Variants in GUSB observed in about 807,000 individuals in gnomAD.
GUSB encodes glucuronidase beta, also known as beta-glucuronidase.
A neutral mutation model predicts 74.6 loss-of-function variants in GUSB; 51 were observed. That is an observed-to-expected ratio of 0.68 (90% confidence interval 0.55 to 0.86). GUSB has a LOEUF of 0.86. Ranked by LOEUF, GUSB falls within the 40% of genes least tolerant of loss-of-function variation. The pLI is 0.00. For synonymous variants in GUSB, 360 were observed against 348.3 expected, an observed-to-expected ratio of 1.03 and a Z score of -0.37; for missense variants, 736 against 853.7, an observed-to-expected ratio of 0.86 and a Z score of 1.72.
chr7:65,969,719 A>C (rs1456253907), intron 9 of GUSB, among the ~76,000 whole-genome samples: 1 of 152,088 alleles, frequency 6.6e-6, no homozygotes, highest in Non-Finnish European at 1.5e-5. Context: ...AGAAAAACTC[A>C]AGTTCCAACC....
At chr7:65,964,027 T>A in intron 11 of GUSB, 1 of 432,810 alleles carries the variant, frequency 2.3e-6, no homozygotes, top group Middle Eastern at 7.3e-4. Flanking sequence ...CCGTTTTTCG[T>A]TCCTCCTTGG....
Position 65,979,879 on chromosome 7 carries a change from C to A in GUSB, c.429G>T (p.Glu143Asp), listed in dbSNP as rs375740757. The A allele has an allele frequency of 1.2e-5, 19 of 1,611,290 alleles. 1 individual carries two copies. In the South Asian group the frequency reaches 1.6e-4, roughly 14 times the overall value. The change falls in exon 3 of 12, where the codon GAG (glutamate) becomes GAT (aspartate). Residue 143 changes from glutamate (E) to aspartate (D), a missense_variant. Around this residue, in one of 2 missense-constraint regions of GUSB, gnomAD observed 368 missense variants for 363.8 expected, o/e 1.01. Coordinates refer to ENST00000304895, the MANE Select transcript of GUSB (RefSeq NM_000181.4). ...WVNGVDTLEH[E>D]GGYLPFEADI... ...CGGCCTCGAAGGGGAGGTAGCCCCC[C>A]TCATGCTCTAGCGTGTCGACCCCAT... is the stretch of plus-strand genomic sequence containing the variant.
intron 11 of GUSB, among the ~76,000 whole-genome samples, chr7:65,963,739 T>G (rs1429161593): frequency 6.6e-6 from 1 of 152,058 alleles, no homozygotes; most frequent in Admixed American, 6.6e-5. Flanking sequence ...AGAGATGGGG[T>G]CTTGCTATGC....
chr7:65,961,129 T>C (rs1790467340), intron 11 of GUSB, 66 bp from the exon 12 acceptor site: 1 of 1,454,192 alleles, frequency 6.9e-7, no homozygotes, highest in African/African-American at 1.4e-5. Flanking sequence ...TTAGAACCAG[T>C]CTGGAGCTAA....
chr7:65,963,485 T>C (rs1583887093), intron 11 of GUSB, among the ~76,000 whole-genome samples: 1 of 152,188 alleles, frequency 6.6e-6, no homozygotes, highest in South Asian at 2.1e-4. Context: ...GACACATTCA[T>C]TGCGAACTTG....
At position 65,979,892 on chromosome 7, in the gene GUSB, GT is replaced by G; in HGVS notation, c.415del (p.Thr139ArgfsTer2). ...GAGGTAGCCCCCCTCATGCTCTAGCGTGTCGACCCCATTCACCCACTGCAGA... is the reference window on the plus strand; with the variant it reads ...GAGGTAGCCCCCCTCATGCTCTAGCGGTCGACCCCATTCACCCACTGCAGA... Reference protein sequence around the residue: ...YAIVWVNGVDTLEHEGGYLPF... With the variant: ...YAIVWVNGVDXLEHEGGYLPF... On this transcript the variant is annotated frameshift_variant, in exon 3 of 12. Coordinates refer to ENST00000304895, the MANE Select transcript of GUSB (RefSeq NM_000181.4). LOFTEE classifies it high-confidence loss of function. 6.2e-7 allele frequency: 1 copy of G among 1,605,360 alleles called. No individual in the cohort carries two copies. Among genetic ancestry groups the G allele is most frequent in the Non-Finnish European group, 8.5e-7 (1 of 1,177,192 alleles).
chr7:65,982,210 G>C lies in GUSB; in HGVS notation c.-27C>G, dbSNP rs1036779413. 2.2e-5 allele frequency: 32 copies of C among 1,484,348 alleles called. No homozygotes were observed. Among genetic ancestry groups the C allele is most frequent in the Non-Finnish European group, 2.8e-5 (31 of 1,115,056 alleles). 91.9% of individuals were successfully genotyped at this position (1,484,348 alleles called of 1,614,324 possible). A position where few individuals can be genotyped will look rare whatever the true frequency, so the allele number is the denominator to read the frequency against. The stretch of plus-strand genomic sequence containing the variant: ...CTTCCCGGTCCCCCGCTCGGCCACC[G>C]TCTGCGGCGCTAAGAAAAGCGCGGG... On this transcript the variant is annotated 5_prime_UTR_variant, in exon 1 of 12. Coordinates refer to ENST00000304895, the MANE Select transcript of GUSB (RefSeq NM_000181.4).
chr7:65,963,249 G>A (rs1460688778), intron 11 of GUSB, among the ~76,000 whole-genome samples: 1 of 152,152 alleles, frequency 6.6e-6, no homozygotes, highest in Non-Finnish European at 1.5e-5. Flanking sequence ...CAGGTGCCAC[G>A]CAGAGGACAG....
At chr7:65,980,941 G>A (rs1791968474) in intron 1 of GUSB, 1 of 205,322 alleles carries the variant, frequency 4.9e-6, no homozygotes, top group African/African-American at 2.3e-5. Context: ...AACAGGGGTG[G>A]CGTCCTGGGC....
intron 8 of GUSB, 62 bp from the exon 9 acceptor site, chr7:65,970,428 C>T: frequency 9.7e-7 from 1 of 1,035,924 alleles, no homozygotes; most frequent in Non-Finnish European, 1.5e-6. Context: ...GACACCCTCC[C>T]ATCCTCTCTG....
rs1183614650 is a variant in GUSB at position 65,982,152 on chromosome 7, G to C, written c.32C>G (p.Ala11Gly). ...GCAGCCCCACAACAACGGCCCGAGCGCCGCCCAGGCAACCGCCGACCCCCG... is the reference window on the plus strand; with the variant it reads ...GCAGCCCCACAACAACGGCCCGAGCCCCGCCCAGGCAACCGCCGACCCCCG... MARGSAVAWA[A>G]LGPLLWGCAL... is the part of the protein sequence containing the mutation. Residue 11 changes from alanine to glycine, a missense_variant, in exon 1 of 12, where the codon GCG becomes GGG. This residue lies in a region of GUSB where 368 missense variants were observed against 363.8 expected (regional missense o/e 1.01). Coordinates refer to ENST00000304895, the MANE Select transcript of GUSB (RefSeq NM_000181.4). 6.5e-7 allele frequency: 1 copy of C among 1,527,572 alleles called. No homozygotes were observed. Among genetic ancestry groups the C allele is most frequent in the African/African-American group, 1.4e-5 (1 of 70,476 alleles). 94.6% of individuals were successfully genotyped at this position (1,527,572 alleles called of 1,614,324 possible). A position where few individuals can be genotyped will look rare whatever the true frequency, so the allele number is the denominator to read the frequency against.
Position 65,980,326 on chromosome 7 carries a change from C to A in GUSB, c.294G>T (p.Trp98Cys). 1 of 1,613,870 alleles carries A rather than the reference C, an allele frequency of 6.2e-7. No individual in the cohort carries two copies. The highest frequency in any genetic ancestry group is 1.3e-5 in the African/African-American group (1 of 75,050). The change falls in exon 2 of 12, where the codon TGG (tryptophan) becomes TGT (cysteine). Residue 98 changes from tryptophan to cysteine, a missense_variant. This residue lies in a region of GUSB where 368 missense variants were observed against 363.8 expected (regional missense o/e 1.01). Coordinates refer to ENST00000304895, the MANE Select transcript of GUSB (RefSeq NM_000181.4). ...QDWRLRHFVGWVWYEREVILP... is the reference protein window; with the variant it reads ...QDWRLRHFVGCVWYEREVILP... The stretch of plus-strand genomic sequence containing the variant: ...GGATCACCTCCCGTTCGTACCACAC[C>A]CAGCCGACAAAATGCCGCAGACGCC...
chr7:65,965,928 T>C (rs1790802225), intron 10 of GUSB, among the ~76,000 whole-genome samples: 1 of 151,768 alleles, frequency 6.6e-6, no homozygotes, highest in Admixed American at 6.6e-5. Flanking sequence ...CCCAGCACTT[T>C]GGGAGGCCAA....
At position 65,980,334 on chromosome 7, in the gene GUSB, CA is replaced by C; in HGVS notation, c.285del (p.Phe95LeufsTer11). 1 of 1,613,910 alleles carries C rather than the reference CA, an allele frequency of 6.2e-7. No individual in the cohort carries two copies. Among genetic ancestry groups the C allele is most frequent in the Non-Finnish European group, 8.5e-7 (1 of 1,179,938 alleles). The part of the protein sequence containing the change: ...DISQDWRLRH[F>X]VGWVWYEREV... ...TCCCGTTCGTACCACACCCAGCCGA[CA>C]AAATGCCGCAGACGCCAGTCCTGGC... On this transcript the variant is annotated frameshift_variant, in exon 2 of 12. Transcript: ENST00000304895. LOFTEE classifies it high-confidence loss of function.
chr7:65,975,862 A>G (rs749308661), intron 5 of GUSB, 153 bp downstream of exon 5: 55 of 623,016 alleles, frequency 8.8e-5, no homozygotes, highest in Middle Eastern at 2.6e-4. Context: ...AAAAAAAAAA[A>G]AAAAGAAAAT....
rs562104880 is a variant in GUSB at position 65,979,688 on chromosome 7, G to A, written c.581+39C>T. The A allele has an allele frequency of 1.0e-5, 16 of 1,601,958 alleles. No individual in the cohort carries two copies. In the South Asian group the frequency reaches 1.5e-4, roughly 15 times the overall value. On this transcript the variant is annotated intron_variant, in intron 3 of 11. Transcript: ENST00000304895. ...CCAGGAAGACCACAGGGTGGGGCGG[G>A]AAGGTGGGTGTGTGCAATGGAGGCA...
At chr7:65,963,791 C>T (rs1359907386) in intron 11 of GUSB, among the ~76,000 whole-genome samples, 1 of 152,164 alleles carries the variant, frequency 6.6e-6, no homozygotes, top group Non-Finnish European at 1.5e-5. Context: ...AGCGATCCTC[C>T]CACCCTGACC....
At chr7:65,967,098 G>A (rs1790886314) in intron 10 of GUSB, among the ~76,000 whole-genome samples, 1 of 152,100 alleles carries the variant, frequency 6.6e-6, no homozygotes, top group South Asian at 2.1e-4. Context: ...AGAGGACACT[G>A]AGTGTCCTGA....
chr7:65,967,435 CAG>C (rs1790908898), intron 10 of GUSB, among the ~76,000 whole-genome samples: 1 of 152,206 alleles, frequency 6.6e-6, no homozygotes, highest in Non-Finnish European at 1.5e-5. Context: ...GCCTGGGTGA[CAG>C]AGAGATCCGG....
Sources: gnomAD v4.1 joint callset for allele counts (sites outside exome capture counted in the v4.1 genomes callset) on GRCh38, gnomAD v4.1.1 for gene constraint, gnomAD v4.1.1 regional missense constraint, MANE v1.5 for transcripts, NCBI Gene and HGNC (gene_info 2026-07-23, HGNC 2026-07-21) for gene names.